Variants in MUC15 observed in about 807,000 individuals in gnomAD.
MUC15 encodes the protein mucin 15, cell surface associated.
A neutral mutation model predicts 24.0 loss-of-function variants in MUC15; 23 were observed. The observed-to-expected ratio is 0.96, with a 90% CI of 0.69 to 1.36. The LOEUF (loss-of-function observed/expected upper bound fraction) is 1.36, where lower values mean the gene tolerates loss of function less well. MUC15 is among the 40% of genes most tolerant of loss of function. The probability of loss-of-function intolerance (pLI) is 0.00; values close to 1 mark genes in which losing one functional copy is unlikely to be tolerated. For missense variants in MUC15, 442 were observed against 428.2 expected (o/e 1.03, Z -0.29); for synonymous variants, 151 against 156.3 (o/e 0.97, Z 0.25).
intron 4 of MUC15, among the ~76,000 whole-genome samples, chr11:26,562,151 A>C (rs938544639): frequency 2.6e-5 from 4 of 151,954 alleles, no homozygotes; most frequent in Non-Finnish European, 5.9e-5. Flanking sequence ...CAAGATTCAA[A>C]GGTTAAAAAA....
rs1225651413 is a variant in MUC15 at position 26,560,632 on chromosome 11, T to G, written c.*433A>C. 3 of 153,546 alleles carry G rather than the reference T, an allele frequency of 2.0e-5. No homozygotes were observed. Among genetic ancestry groups the G allele is most frequent in the Non-Finnish European group, 2.9e-5 (2 of 68,784 alleles). 9.5% of individuals were successfully genotyped at this position (153,546 alleles called of 1,614,324 possible). A position where few individuals can be genotyped will look rare whatever the true frequency, so the allele number is the denominator to read the frequency against. The stretch of plus-strand genomic sequence containing the variant: ...GTCAAATTTTCTTTAAAAAGCACCC[T>G]TTCAATTTTCATTTAAGAAAATGCA... On this transcript the variant is annotated 3_prime_UTR_variant, in exon 5 of 5. Coordinates refer to ENST00000529533, the MANE Select transcript of MUC15 (RefSeq NM_001135091.2).
chr11:26,561,863 G>T (rs565199840), intron 4 of MUC15, among the ~76,000 whole-genome samples: 81 of 151,936 alleles, frequency 5.3e-4, no homozygotes, highest in African/African-American at 1.7e-3. Context: ...CATGCTCTTG[G>T]TATCTTAAAG....
chr11:26,567,956 C>T (rs1345406037), intron 1 of MUC15, among the ~76,000 whole-genome samples: 2 of 151,820 alleles, frequency 1.3e-5, no homozygotes, highest in African/African-American at 4.8e-5. Flanking sequence ...TACAATGATA[C>T]GATTGGGAAA....
intron 3 of MUC15, among the ~76,000 whole-genome samples, chr11:26,564,202 G>C (rs1380989327): frequency 6.6e-6 from 1 of 151,524 alleles, no homozygotes; most frequent in African/African-American, 2.4e-5. Context: ...CAAAAGAGAG[G>C]AAGCATTTTT....
At chr11:26,562,741 A>G (rs1850343350) in intron 4 of MUC15, among the ~76,000 whole-genome samples, 1 of 151,928 alleles carries the variant, frequency 6.6e-6, no homozygotes, top group Non-Finnish European at 1.5e-5. Context: ...TGTTCAAATT[A>G]CTGCTACTTA....
At chr11:26,563,379 T>G in intron 3 of MUC15, 114 bp from the exon 4 acceptor site, 1 of 1,093,276 alleles carries the variant, frequency 9.1e-7, no homozygotes, top group Non-Finnish European at 1.2e-6. Context: ...AATTAGATAA[T>G]GGTGTGTTTC....
intron 1 of MUC15, among the ~76,000 whole-genome samples, chr11:26,570,717 G>A (rs1850789919): frequency 6.6e-6 from 1 of 152,220 alleles, no homozygotes; most frequent in South Asian, 2.1e-4. Flanking sequence ...GATGGGTTTT[G>A]TTTGTCTCTC....
intron 3 of MUC15, among the ~76,000 whole-genome samples, chr11:26,564,732 CATATATATAT>C (rs66510170): frequency 0.011 from 284 of 25,190 alleles, 3 homozygotes; most frequent in African/African-American, 0.017. Flanking sequence ...CACACACACA[CATATATATAT>C]ATATATATAT....
intron 3 of MUC15, among the ~76,000 whole-genome samples, chr11:26,564,696 C>T (rs1434347600): frequency 0.029 from 949 of 32,572 alleles, 118 homozygotes; most frequent in East Asian, 0.068. Context: ...TATATATACA[C>T]ACACACACAC....
intron 3 of MUC15, among the ~76,000 whole-genome samples, chr11:26,564,773 ATATATATATAT>A (rs1565109236): frequency 1.9e-5 from 2 of 103,610 alleles, no homozygotes; most frequent in Non-Finnish European, 4.1e-5. Context: ...ATATATATAT[ATATATATATAT>A]AAGTTCAGTT....
chr11:26,566,911 G>T (rs1850611182), intron 2 of MUC15, 141 bp downstream of exon 2: 14 of 641,100 alleles, frequency 2.2e-5, no homozygotes, highest in Admixed American at 4.2e-5. Context: ...GGCTGACTTA[G>T]GTAGCAGCAC....
In MUC15 at chr11:26,559,934, A is replaced by T. The variant is rs1414783321; in HGVS notation, c.*1131T>A. ...GGTACTTGATTTGTTTGCTCTCTTC[A>T]TATATTCAGTGCTTCTTTAGGAATT... On this transcript the variant is annotated 3_prime_UTR_variant, in exon 5 of 5. Transcript: ENST00000529533. 3.6e-6 allele frequency: 2 copies of T among 562,278 alleles called. No homozygotes were observed. Among genetic ancestry groups the T allele is most frequent in the Admixed American group, 5.6e-5 (2 of 35,972 alleles). The allele number at this position is 562,278 out of a possible 1,614,324, so 34.8% of individuals were successfully genotyped here.
At chr11:26,564,692 T>TACACACAC (rs370277580) in intron 3 of MUC15, among the ~76,000 whole-genome samples, 1 of 41,116 alleles carries the variant, frequency 2.4e-5, no homozygotes, top group Admixed American at 3.1e-4. Flanking sequence ...CTCATATATA[T>TACACACAC]ACACACACAC....
intron 1 of MUC15, among the ~76,000 whole-genome samples, chr11:26,571,424 A>C (rs547018969): frequency 6.6e-6 from 1 of 152,282 alleles, no homozygotes; most frequent in Admixed American, 6.5e-5. Context: ...TAACTGATGT[A>C]ACCTTTTAGA....
At chr11:26,571,877 TA>T (rs1414504037) in intron 1 of MUC15, among the ~76,000 whole-genome samples, 163 bp downstream of exon 1, 1 of 152,148 alleles carries the variant, frequency 6.6e-6, no homozygotes, top group African/African-American at 2.4e-5. Context: ...CATTACTTAA[TA>T]AAACAACTAC....
intron 4 of MUC15, among the ~76,000 whole-genome samples, chr11:26,561,700 AG>A (rs1381106431): frequency 1.3e-5 from 2 of 152,002 alleles, no homozygotes; most frequent in Admixed American, 1.3e-4. Context: ...AGATAAAAAA[AG>A]TATTTGTGGG....
intron 3 of MUC15, among the ~76,000 whole-genome samples, chr11:26,564,738 T>C (rs1383679589): frequency 0.01 from 222 of 21,494 alleles, no homozygotes; most frequent in Middle Eastern, 0.028. Flanking sequence ...CACACATATA[T>C]ATATATATAT....
Position 26,572,258 on chromosome 11 carries a change from A to G in MUC15, c.-263T>C, listed in dbSNP as rs551197612. The G allele has an allele frequency of 3.0e-6, 3 of 985,214 alleles. No individual in the cohort carries two copies. The East Asian group carries it at 3.4e-4, about 112-fold the overall frequency. The allele number at this position is 985,214 out of a possible 1,614,324, so 61.0% of individuals were successfully genotyped here. ...CTGACTGACCTGCTTCTCAGCTGTAAGCATTAAGATATCACCTCATTCAGG... is the reference window on the plus strand; with the variant it reads ...CTGACTGACCTGCTTCTCAGCTGTAGGCATTAAGATATCACCTCATTCAGG... On this transcript the variant is annotated 5_prime_UTR_variant, in exon 1 of 5. Transcript: ENST00000529533.
Position 26,565,271 on chromosome 11 carries a change from A to G in MUC15, c.669T>C (p.Asp223=). ...EPSGWLTTNS[D]SFTGFTPYQE... Reference sequence around the variant, plus strand: ...GATAAGGGGTAAACCCAGTGAAGCTATCACTGTTTGTGGTAAGCCATCCAC... The same window carrying G: ...GATAAGGGGTAAACCCAGTGAAGCTGTCACTGTTTGTGGTAAGCCATCCAC... The change falls in exon 3 of 5, where the codon GAT becomes GAC. Residue 223 remains aspartate (D), a synonymous_variant. Coordinates refer to ENST00000529533, the MANE Select transcript of MUC15 (RefSeq NM_001135091.2). The G allele has an allele frequency of 6.2e-7, 1 of 1,602,018 alleles. No homozygotes were observed. The highest frequency in any genetic ancestry group is 2.2e-5 in the East Asian group (1 of 44,684).
Sources: allele counts gnomAD v4.1 joint callset (sites outside exome capture counted in the v4.1 genomes callset), GRCh38; gene constraint gnomAD v4.1.1; transcripts MANE v1.5; gene names NCBI Gene and HGNC (gene_info 2026-07-23, HGNC 2026-07-21).